LZTR1: variants seen among roughly 807,000 people sequenced by gnomAD.
LZTR1 encodes leucine zipper like post translational regulator 1, also known as leucine-zipper-like transcriptional regulator 1.
Under a neutral mutation model 105.7 loss-of-function variants are expected in LZTR1, and 260 were observed. The observed-to-expected ratio is 2.46, with a 90% CI of 2.22 to 2.72. The LOEUF (loss-of-function observed/expected upper bound fraction) is 2.72. LZTR1 is among the 30% of genes most tolerant of loss of function. LZTR1 has a pLI of 0.00. For missense variants in LZTR1, 1,214 were observed against 1,166.9 expected, an observed-to-expected ratio of 1.04 and a Z score of -0.59; for synonymous variants, 490 against 476.4, an observed-to-expected ratio of 1.03 and a Z score of -0.37.
intron 2 of LZTR1, among the ~76,000 whole-genome samples, chr22:20,984,841 G>T (rs188857587): frequency 1.3e-4 from 20 of 152,312 alleles, no homozygotes; most frequent in African/African-American, 4.8e-4. Flanking sequence ...CTTCCCAAGG[G>T]CTGGGTAGTG....
At chr22:20,983,254 G>A in intron 2 of LZTR1, 165 bp downstream of exon 2, 1 of 651,688 alleles carries the variant, frequency 1.5e-6, no homozygotes. Context: ...CCTGGTCGTG[G>A]TGAGGATTAA....
rs1042833679 is a variant in LZTR1, at chr22:20,985,912, G to A, written c.320+15G>A. The stretch of plus-strand genomic sequence containing the variant: ...TCCTGGTGCAGGTGGGTGGCCCCGT[G>A]CTCCAGGGCCCTGCCTTTCCTCCTA... On this transcript the variant is annotated intron_variant, in intron 3 of 20. Transcript: ENST00000646124. 6.2e-7 allele frequency: 1 copy of A among 1,613,646 alleles called. No individual in the cohort carries two copies. The highest frequency in any genetic ancestry group is 1.3e-5 in the African/African-American group (1 of 75,056).
At chr22:20,997,077 T>A in intron 20 of LZTR1, 111 bp downstream of exon 20, 1 of 1,244,172 alleles carries the variant, frequency 8.0e-7, no homozygotes, top group Non-Finnish European at 1.2e-6. Flanking sequence ...GCCCTGGGGG[T>A]GAGAGAAGCA....
At chr22:20,993,822 A>T in intron 12 of LZTR1, 68 bp downstream of exon 12, 7 of 1,573,722 alleles carry the variant, frequency 4.4e-6, no homozygotes, top group Non-Finnish European at 6.1e-6. Flanking sequence ...GCCCCTCAGA[A>T]AAACAGCTGC....
In LZTR1 at chr22:20,995,740, C is replaced by A. The variant is rs757311430; in HGVS notation, c.1943-6C>A. ...TGTACCTGCTCAGGGACCCTCCTAC[C>A]CCCAGGCACATCTCTGATCCAGGAC... On this transcript the variant is annotated splice_polypyrimidine_tract_variant and splice_region_variant and intron_variant, in intron 16 of 20. Transcript: ENST00000646124. 11 of 1,613,338 alleles carry A rather than the reference C, an allele frequency of 6.8e-6. No individual in the cohort carries two copies. The highest frequency in any genetic ancestry group is 9.3e-6 in the Non-Finnish European group (11 of 1,179,970).
intron 7 of LZTR1, among the ~76,000 whole-genome samples, chr22:20,990,074 T>C (rs2147963766): frequency 6.6e-6 from 1 of 152,306 alleles, no homozygotes; most frequent in South Asian, 2.1e-4. Context: ...CTGGGCTTGC[T>C]TTCCCCTTTA....
In LZTR1 at chr22:20,988,807, AG is replaced by A. The variant is rs558510095; in HGVS notation, c.529del (p.Ala177ProfsTer23). The A allele has an allele frequency of 2.5e-6, 4 of 1,614,098 alleles. No homozygotes were observed. The highest frequency in any genetic ancestry group is 3.4e-6 in the Non-Finnish European group (4 of 1,179,980). Reference protein sequence around the residue: ...IEGRLPVARSAHGATVYSDKL... With the variant: ...IEGRLPVARSXHGATVYSDKL... ...ACTCCAGGTTGCCAGTCGCTAGGTC[AG>A]CCCATGGGGCCACGGTGTACAGTGA... On this transcript the variant is annotated frameshift_variant, in exon 6 of 21. Transcript: ENST00000646124. LOFTEE classifies it high-confidence loss of function.
intron 8 of LZTR1, 138 bp downstream of exon 8, chr22:20,990,663 C>A: frequency 5.4e-6 from 5 of 924,036 alleles, no homozygotes; most frequent in East Asian, 2.5e-5. Context: ...GGTTACAGCC[C>A]GGAGCAGGGA....
chr22:20,993,155 A>G (rs922784206), intron 11 of LZTR1, among the ~76,000 whole-genome samples: 10 of 152,210 alleles, frequency 6.6e-5, no homozygotes, highest in African/African-American at 2.4e-4. Context: ...AGCCGGGCCA[A>G]GCTGGGCTCA....
At chr22:20,996,844 G>A (rs1197824566) in intron 19 of LZTR1, 42 bp from the exon 20 acceptor site, 1 of 1,612,684 alleles carries the variant, frequency 6.2e-7, no homozygotes, top group South Asian at 1.1e-5. Flanking sequence ...CTCCCACTGA[G>A]TGGGTGAAAG....
rs1376517094 is a variant in LZTR1 at position 20,988,829 on chromosome 22, A to G, written c.550A>G (p.Ser184Gly). ...GTCAGCCCATGGGGCCACGGTGTAC[A>G]GTGACAAGCTGTGGATCTTTGCTGG... Reference protein sequence around the residue: ...ARSAHGATVYSDKLWIFAGYD... With the variant: ...ARSAHGATVYGDKLWIFAGYD... The change falls in exon 6 of 21, where the codon AGT (serine) becomes GGT (glycine). Residue 184 changes from serine (S) to glycine (G), a missense_variant. Ser to Gly is a moderately conservative substitution (Grantham distance 56). Coordinates refer to ENST00000646124, the MANE Select transcript of LZTR1 (RefSeq NM_006767.4). The G allele has an allele frequency of 3.7e-6, 6 of 1,614,136 alleles. No individual in the cohort carries two copies. In the South Asian group the frequency reaches 6.6e-5, roughly 18 times the overall value.
At chr22:20,992,725 C>A in intron 10 of LZTR1, 69 bp from the exon 11 acceptor site, 1 of 1,062,674 alleles carries the variant, frequency 9.4e-7, no homozygotes, top group Non-Finnish European at 1.4e-6. Flanking sequence ...CTTGCCTTAC[C>A]TGGCTGCACC....
rs765266315 is a variant in LZTR1, at chr22:20,992,788, C to T, written c.1150-6C>T. ...CACCATTCCACCCTGCCTTCTTGTCCCCCAGCTGCCCAGTGGGAGGCTCTT... is the reference window on the plus strand; with the variant it reads ...CACCATTCCACCCTGCCTTCTTGTCTCCCAGCTGCCCAGTGGGAGGCTCTT... On this transcript the variant is annotated splice_polypyrimidine_tract_variant and splice_region_variant and intron_variant, in intron 10 of 20. Coordinates refer to ENST00000646124, the MANE Select transcript of LZTR1 (RefSeq NM_006767.4). 4.5e-6 allele frequency: 7 copies of T among 1,564,570 alleles called. No individual in the cohort carries two copies.
Position 20,995,994 on chromosome 22 carries a change from C to A in LZTR1, c.2101C>A (p.Pro701Thr). 6.2e-7 allele frequency: 1 copy of A among 1,613,754 alleles called. No individual in the cohort carries two copies. The highest frequency in any genetic ancestry group is 1.1e-5 in the South Asian group (1 of 91,090). The change falls in exon 18 of 21, where the codon CCC (proline) becomes ACC (threonine). Residue 701 changes from proline (P) to threonine (T), a missense_variant. Coordinates refer to ENST00000646124, the MANE Select transcript of LZTR1 (RefSeq NM_006767.4). Reference sequence around the variant, plus strand: ...TGAAGCCATGTTCCGGTCCTTCATGCCCGAAGATGGGCAGGTGAACATCTC... The same window carrying A: ...TGAAGCCATGTTCCGGTCCTTCATGACCGAAGATGGGCAGGTGAACATCTC... ...YFEAMFRSFM[P>T]EDGQVNISIG...
chr22:20,982,329 G>C lies in LZTR1; in HGVS notation c.-43G>C, dbSNP rs770211550. ...CTCCAGCCGGCCCGGGGCGGTGGCC[G>C]CAAGTTGGGCTTACAGCGCGGCCGA... On this transcript the variant is annotated 5_prime_UTR_variant, in exon 1 of 21. Transcript: ENST00000646124. 1.2e-5 allele frequency: 17 copies of C among 1,468,130 alleles called. No individual in the cohort carries two copies. The highest frequency in any genetic ancestry group is 3.8e-5 in the South Asian group (3 of 78,508). 90.9% of individuals were successfully genotyped at this position (1,468,130 alleles called of 1,614,324 possible).
At chr22:20,983,801 A>G (rs1247400697) in intron 2 of LZTR1, among the ~76,000 whole-genome samples, 2 of 152,326 alleles carry the variant, frequency 1.3e-5, no homozygotes, top group Admixed American at 6.5e-5. Context: ...CTCCTTGGGC[A>G]TGGTCCCCTG....
In LZTR1 at chr22:20,993,930, G is replaced by A. The variant is rs771525633; in HGVS notation, c.1360G>A (p.Glu454Lys). The change falls in exon 13 of 21, where the codon GAG (glutamate) becomes AAG (lysine). Residue 454 changes from glutamate to lysine, a missense_variant. Glu to Lys is a moderately conservative substitution (Grantham distance 56). Transcript: ENST00000646124. ...TGCATCATTCTTTGTGCAGAAGGAG[G>A]AGTGCGTGCAGGGCCACGTAGCCAT... ...DVEFVLGEKEECVQGHVAIVT... is the reference protein window; with the variant it reads ...DVEFVLGEKEKCVQGHVAIVT... 4.3e-6 allele frequency: 7 copies of A among 1,612,034 alleles called. No homozygotes were observed. The highest frequency in any genetic ancestry group is 2.2e-5 in the East Asian group (1 of 44,858).
intron 6 of LZTR1, 100 bp from the exon 7 acceptor site, chr22:20,989,525 T>G: frequency 5.3e-6 from 5 of 939,208 alleles, no homozygotes; most frequent in Non-Finnish European, 8.8e-6. Context: ...CTACCCTGTG[T>G]GGGGGTGGGG....
In LZTR1 at chr22:20,994,122, G is replaced by T. The variant is rs1329226132; in HGVS notation, c.1468G>T (p.Ala490Ser). 2.5e-6 allele frequency: 4 copies of T among 1,582,192 alleles called. No homozygotes were observed. In the East Asian group the frequency reaches 6.9e-5, roughly 27 times the overall value. The change falls in exon 14 of 21, where the codon GCC becomes TCC. Residue 490 changes from alanine to serine, a missense_variant. Transcript: ENST00000646124. The part of the protein sequence containing the change: ...RLAQKLEQEA[A>S]PVPREAPGVA... Reference sequence around the variant, plus strand: ...CCCACAGAAGCTGGAGCAGGAGGCCGCCCCAGTTCCCAGGGAGGCCCCCGG... The same window carrying T: ...CCCACAGAAGCTGGAGCAGGAGGCCTCCCCAGTTCCCAGGGAGGCCCCCGG...
Sources: gnomAD v4.1 joint callset for allele counts (sites outside exome capture counted in the v4.1 genomes callset) on GRCh38, gnomAD v4.1.1 for gene constraint, MANE v1.5 for transcripts, NCBI Gene and HGNC (gene_info 2026-07-23, HGNC 2026-07-21) for gene names.